Variants in PURG observed in about 807,000 individuals in gnomAD.
The protein encoded by PURG is purine rich element binding protein G, also known as purine-rich element-binding protein gamma.
PURG carries 3 observed loss-of-function variants against 24.3 expected under a neutral mutation model. The observed-to-expected ratio is 0.12, with a 90% CI of 0.06 to 0.32. The LOEUF (loss-of-function observed/expected upper bound fraction) is 0.32, where lower values mean the gene tolerates loss of function less well. Among genes scored for constraint, PURG ranks in the 10% least tolerant of loss-of-function variants. The pLI is 1.00. For synonymous variants in PURG, 180 were observed against 173.1 expected (o/e 1.04, Z -0.31); for missense variants, 371 against 439.1 (o/e 0.84, Z 1.39).
intron 1 of PURG, among the ~76,000 whole-genome samples, chr8:31,010,332 C>G (rs556273070): frequency 6.6e-6 from 1 of 152,210 alleles, no homozygotes; most frequent in South Asian, 2.1e-4. Flanking sequence ...GGCAGGGAGT[C>G]TTAAGCACAG....
chr8:31,026,637 AAT>A (rs397791712), downstream of PURG, among the ~76,000 whole-genome samples: 1,561 of 128,634 alleles, frequency 0.012, 21 homozygotes, highest in African/African-American at 0.035. Context: ...TTTTAAAAAG[AAT>A]ATATATATAT....
At chr8:30,996,634 T>C (rs752242035) in exon 2 of PURG, 1 of 1,612,272 alleles carries the variant, frequency 6.2e-7, no homozygotes, top group Non-Finnish European at 8.5e-7. Flanking sequence ...GGCTGTTCCT[T>C]ATGCTTGATT....
intron 1 of PURG, among the ~76,000 whole-genome samples, chr8:31,024,314 T>G (rs573430934): frequency 6.6e-6 from 1 of 152,254 alleles, no homozygotes; most frequent in East Asian, 1.9e-4. Context: ...CCTTTCACAG[T>G]CCACTGATAC....
chr8:31,002,685 C>T (rs1030070042), intron 1 of PURG, among the ~76,000 whole-genome samples: 6 of 152,020 alleles, frequency 3.9e-5, no homozygotes. Context: ...TGTTTCACCA[C>T]GTTGGCCGGG....
rs1215791692 is a variant in PURG at position 31,007,845 on chromosome 8, GA to G, written c.865-11149del. On this transcript the variant is annotated intron_variant, in intron 1 of 1. Transcript: ENST00000339382. The stretch of plus-strand genomic sequence containing the variant: ...TAATGATTCTCTTTTTTTAAAAAAA[GA>G]AAAAAACAAAGCTGTTCTGATTTCC... Among the ~76,000 whole-genome samples the G allele has an allele frequency of 2.0e-5, 3 of 152,006 alleles. No individual in the cohort carries two copies. The South Asian group carries it at 6.2e-4, about 32-fold the overall frequency.
At chr8:31,019,074 A>G (rs1271203227) in intron 1 of PURG, among the ~76,000 whole-genome samples, 2 of 120,640 alleles carry the variant, frequency 1.7e-5, no homozygotes, top group Non-Finnish European at 3.3e-5. Flanking sequence ...CAGTGAGCCG[A>G]GATCGCGCCA....
At chr8:31,003,761 CA>C (rs374776136) in intron 1 of PURG, among the ~76,000 whole-genome samples, 15 of 149,350 alleles carry the variant, frequency 1.0e-4, no homozygotes, top group African/African-American at 3.7e-4. Flanking sequence ...GACTCCATCT[CA>C]AAAAAAAACC....
downstream of PURG, among the ~76,000 whole-genome samples, chr8:31,026,542 T>C (rs916632931): frequency 1.3e-5 from 2 of 149,590 alleles, no homozygotes; most frequent in African/African-American, 4.9e-5. Flanking sequence ...ATATCTAAGT[T>C]AAAAAAAAGT....
intron 1 of PURG, among the ~76,000 whole-genome samples, chr8:31,014,269 T>C (rs1372419134): frequency 1.3e-5 from 2 of 152,216 alleles, no homozygotes; most frequent in African/African-American, 4.8e-5. Context: ...GTGCTAGCTC[T>C]GAAATAATTT....
At chr8:30,996,363 T>C in exon 2 of PURG, 1 of 337,386 alleles carries the variant, frequency 3.0e-6, no homozygotes, top group Non-Finnish European at 5.4e-6. Flanking sequence ...AAAGGCTTGA[T>C]GAATTAAAAA....
chr8:31,002,749 G>T (rs771605840), intron 1 of PURG, among the ~76,000 whole-genome samples: 1 of 152,188 alleles, frequency 6.6e-6, no homozygotes, highest in Non-Finnish European at 1.5e-5. Flanking sequence ...CTCCCAAAGT[G>T]CTAGGATTAC....
At chr8:31,029,294 T>A (rs1051616619), downstream of PURG, among the ~76,000 whole-genome samples, 2 of 151,816 alleles carry the variant, frequency 1.3e-5, no homozygotes, top group African/African-American at 4.8e-5. Flanking sequence ...TATATATGCA[T>A]CTATTTAATC....
intron 1 of PURG, among the ~76,000 whole-genome samples, chr8:31,003,760 T>G (rs980335672): frequency 6.8e-5 from 10 of 147,742 alleles, no homozygotes; most frequent in Admixed American, 6.8e-4. Context: ...AGACTCCATC[T>G]CAAAAAAAAA....
intron 1 of PURG, among the ~76,000 whole-genome samples, chr8:30,996,943 A>G (rs1585348970): frequency 6.6e-6 from 1 of 151,774 alleles, no homozygotes; most frequent in South Asian, 2.1e-4. Flanking sequence ...GATGCCAAGG[A>G]AAATATAATT....
intron 1 of PURG, among the ~76,000 whole-genome samples, chr8:31,024,490 G>C (rs953363861): frequency 6.6e-6 from 1 of 152,074 alleles, no homozygotes; most frequent in Admixed American, 6.5e-5. Context: ...CTCTTTTAAA[G>C]GTTAAACAGA....
intron 1 of PURG, among the ~76,000 whole-genome samples, chr8:31,018,512 C>A (rs1322147733): frequency 6.6e-6 from 1 of 152,220 alleles, no homozygotes; most frequent in Non-Finnish European, 1.5e-5. Context: ...CTGAAGCCTA[C>A]TCAAAGTATA....
At chr8:31,026,249 T>C (rs978286124), downstream of PURG, among the ~76,000 whole-genome samples, 8 of 151,718 alleles carry the variant, frequency 5.3e-5, no homozygotes, top group African/African-American at 1.9e-4. Context: ...GGGAATACGG[T>C]TTAAGATAAC....
At chr8:31,017,482 G>A (rs1309022974) in intron 1 of PURG, among the ~76,000 whole-genome samples, 3 of 151,904 alleles carry the variant, frequency 2.0e-5, no homozygotes, top group Non-Finnish European at 4.4e-5. Flanking sequence ...AATAAAATTT[G>A]CTTAGCCAAA....
intron 1 of PURG, among the ~76,000 whole-genome samples, chr8:31,008,191 AC>A (rs1810692272): frequency 6.6e-6 from 1 of 152,192 alleles, no homozygotes; most frequent in Non-Finnish European, 1.5e-5. Context: ...TTTCCAGGGA[AC>A]CATCCATTTC....
Sources: gnomAD v4.1 joint callset for allele counts (sites outside exome capture counted in the v4.1 genomes callset) on GRCh38, gnomAD v4.1.1 for gene constraint, MANE v1.5 for transcripts, NCBI Gene and HGNC (gene_info 2026-07-23, HGNC 2026-07-21) for gene names.